ARPP21: variants seen among roughly 807,000 people sequenced by gnomAD.
ARPP21 encodes the protein cAMP regulated phosphoprotein 21, also known as cAMP-regulated phosphoprotein 21.
A neutral mutation model predicts 113.2 loss-of-function variants in ARPP21; 69 were observed. The observed-to-expected ratio is 0.61, with a 90% CI of 0.50 to 0.74. The LOEUF is 0.74. ARPP21 is among the 30% of genes least tolerant of loss of function. ARPP21 has a pLI of 0.00. For synonymous variants in ARPP21, 368 were observed against 375.5 expected, an observed-to-expected ratio of 0.98 and a Z score of 0.23; for missense variants, 1,070 against 1,037.4, an observed-to-expected ratio of 1.03 and a Z score of -0.43.
rs752717847 is a variant in ARPP21, at chr3:35,721,657, G to A, written c.1048G>A (p.Glu350Lys). The A allele has an allele frequency of 1.2e-6, 2 of 1,613,998 alleles. No individual in the cohort carries two copies. The highest frequency in any genetic ancestry group is 1.1e-5 in the South Asian group (1 of 91,056). Reference protein sequence around the residue: ...RTSGSRQSSSENELKWSDHQR... With the variant: ...RTSGSRQSSSKNELKWSDHQR... ...ATCTGGGAGTCGACAGAGCAGCTCA[G>A]AAAATGAACTCAAGTGGTCTGACCA... Residue 350 changes from glutamate (E) to lysine (K), a missense_variant, in exon 14 of 21, where the codon GAA becomes AAA. Coordinates refer to ENST00000684406, the MANE Select transcript of ARPP21 (RefSeq NM_001385562.1).
chr3:35,652,268 G>A (rs1307126629), intron 1 of ARPP21, among the ~76,000 whole-genome samples: 2 of 151,954 alleles, frequency 1.3e-5, no homozygotes, highest in African/African-American at 4.8e-5. Context: ...ATTTGGGACT[G>A]TTATCTAAGA....
At chr3:35,729,258 C>CTT (rs968794216) in intron 14 of ARPP21, 45 bp from the exon 15 acceptor site, 1 of 1,365,296 alleles carries the variant, frequency 7.3e-7, no homozygotes, top group Non-Finnish European at 1.0e-6. Context: ...TGCTTTCTCT[C>CTT]ATCTCTGTGT....
At chr3:35,687,614 C>T (rs2081011383) in intron 5 of ARPP21, 125 bp from the exon 6 acceptor site, 2 of 787,936 alleles carry the variant, frequency 2.5e-6, no homozygotes, top group Non-Finnish European at 4.0e-6. Flanking sequence ...TAATTTTTAC[C>T]ATTTAGAAAA....
Position 35,689,365 on chromosome 3 carries a change from C to T in ARPP21, c.465C>T (p.Asn155=). 1 of 1,561,900 alleles carries T rather than the reference C, an allele frequency of 6.4e-7. No individual in the cohort carries two copies. The highest frequency in any genetic ancestry group is 1.1e-5 in the South Asian group (1 of 89,954). Residue 155 remains asparagine, a synonymous_variant, in exon 7 of 21, where the codon AAC becomes AAT. Coordinates refer to ENST00000684406, the MANE Select transcript of ARPP21 (RefSeq NM_001385562.1). ...TAGACTTACACGAGTTTCTGATTAA[C>T]ACATTAAAGAATAATTCCAGGTAAA... ...TGIDLHEFLI[N]TLKNNSRDRM... is the part of the protein sequence containing the mutation.
chr3:35,691,153 A>G, intron 9 of ARPP21, 148 bp downstream of exon 9: 1 of 857,960 alleles, frequency 1.2e-6, no homozygotes, highest in South Asian at 2.9e-5. Context: ...TGTGGCATTT[A>G]TCTGTAGAAG....
At chr3:35,704,079 A>G (rs539942788) in intron 9 of ARPP21, among the ~76,000 whole-genome samples, 1 of 151,880 alleles carries the variant, frequency 6.6e-6, no homozygotes, top group African/African-American at 2.4e-5. Context: ...ATTTTATTAG[A>G]TTCACTTGAA....
chr3:35,698,938 A>C (rs2085157805), intron 9 of ARPP21, among the ~76,000 whole-genome samples: 1 of 151,816 alleles, frequency 6.6e-6, no homozygotes, highest in South Asian at 2.1e-4. Context: ...AGTGACACAA[A>C]ACTGTTTCAT....
chr3:35,722,470 T>C (rs2093178717), intron 14 of ARPP21, among the ~76,000 whole-genome samples: 1 of 152,314 alleles, frequency 6.6e-6, no homozygotes, highest in South Asian at 2.1e-4. Context: ...ACAAAGCAAC[T>C]TGAATAATGT....
intron 1 of ARPP21, among the ~76,000 whole-genome samples, chr3:35,642,912 C>T: frequency 6.6e-6 from 1 of 151,958 alleles, no homozygotes; most frequent in East Asian, 1.9e-4. Context: ...TTAAGATAAG[C>T]CCTACAGATT....
In ARPP21 at chr3:35,743,845, G is replaced by C; in HGVS notation, c.2017G>C (p.Val673Leu). 1 of 1,613,846 alleles carries C rather than the reference G, an allele frequency of 6.2e-7. No homozygotes were observed. Among genetic ancestry groups the C allele is most frequent in the Non-Finnish European group, 8.5e-7 (1 of 1,179,742 alleles). Reference sequence around the variant, plus strand: ...TTCCTCCTTTCTTCCACAGATGCCTGTATATTATTACCCATCTGGTCAGTA... The same window carrying C: ...TTCCTCCTTTCTTCCACAGATGCCTCTATATTATTACCCATCTGGTCAGTA... ...VQQPPPAQMP[V>L]YYYPSGQYPT... Residue 673 changes from valine (V) to leucine (L), a missense_variant, in exon 19 of 21, where the codon GTA becomes CTA. Coordinates refer to ENST00000684406, the MANE Select transcript of ARPP21 (RefSeq NM_001385562.1).
Position 35,702,877 on chromosome 3 carries a change from T to C in ARPP21, c.687-4097T>C, listed in dbSNP as rs150075482. On this transcript the variant is annotated intron_variant, in intron 9 of 20. Coordinates refer to ENST00000684406, the MANE Select transcript of ARPP21 (RefSeq NM_001385562.1). ...ACATCCAAAATGTACATACTTTTAA[T>C]TGAAAATTTTTGAAATATTAAGGGA... Among the ~76,000 whole-genome samples the C allele has an allele frequency of 4.5e-3, 679 of 151,972 alleles. 2 individuals carry two copies. Among genetic ancestry groups the C allele is most frequent in the African/African-American group, 0.015 (642 of 41,542 alleles).
At chr3:35,787,317 T>G (rs894342655) in intron 19 of ARPP21, among the ~76,000 whole-genome samples, 1 of 152,230 alleles carries the variant, frequency 6.6e-6, no homozygotes, top group African/African-American at 2.4e-5. Flanking sequence ...TGAATTGATC[T>G]TATATTTAAG....
At chr3:35,764,216 C>T (rs1487418296) in intron 19 of ARPP21, among the ~76,000 whole-genome samples, 1 of 152,062 alleles carries the variant, frequency 6.6e-6, no homozygotes, top group Non-Finnish European at 1.5e-5. Flanking sequence ...GAAAAAATAA[C>T]ATTTAATTTT....
intron 19 of ARPP21, among the ~76,000 whole-genome samples, chr3:35,764,723 G>C (rs1005967939): frequency 6.6e-6 from 1 of 152,142 alleles, no homozygotes; most frequent in Admixed American, 6.6e-5. Context: ...TGGGGTTTTA[G>C]TGTTCTGTTT....
chr3:35,759,072 T>A (rs1029971028), intron 19 of ARPP21, among the ~76,000 whole-genome samples: 2 of 152,094 alleles, frequency 1.3e-5, no homozygotes, highest in African/African-American at 4.8e-5. Flanking sequence ...AATTTGGCAG[T>A]ACTTATGACA....
In ARPP21 at chr3:35,748,083, A is replaced by G. The variant is rs143324005; in HGVS notation, c.2137+4118A>G. Among the ~76,000 whole-genome samples the G allele has an allele frequency of 2.9e-3, 291 of 101,224 alleles. 1 individual carries two copies. Among genetic ancestry groups the G allele is most frequent in the Admixed American group, 0.013 (149 of 11,090 alleles). The allele number at this position is 101,224 out of a possible 152,430, so 66.4% of individuals were successfully genotyped here. A position where few individuals can be genotyped will look rare whatever the true frequency, so the allele number is the denominator to read the frequency against. On this transcript the variant is annotated intron_variant, in intron 19 of 20. Coordinates refer to ENST00000684406, the MANE Select transcript of ARPP21 (RefSeq NM_001385562.1). ...AGAAGGAAGGAAGAAAGAAAGAAAG[A>G]AAGAAAGAAAGAAAGAAAGAAAGAA...
At chr3:35,740,898 G>A (rs1473118779) in intron 18 of ARPP21, among the ~76,000 whole-genome samples, 1 of 151,794 alleles carries the variant, frequency 6.6e-6, no homozygotes, top group East Asian at 1.9e-4. Context: ...GGGAGTTCGA[G>A]ACCAGCCTGC....
chr3:35,663,523 C>T (rs1409447962), intron 1 of ARPP21, among the ~76,000 whole-genome samples: 2 of 152,180 alleles, frequency 1.3e-5, no homozygotes, highest in East Asian at 3.8e-4. Flanking sequence ...CATCATGAAG[C>T]ATCAGCATTT....
At chr3:35,701,472 C>T (rs1002441581) in intron 9 of ARPP21, among the ~76,000 whole-genome samples, 2 of 151,614 alleles carry the variant, frequency 1.3e-5, no homozygotes, top group Non-Finnish European at 3.0e-5. Flanking sequence ...CTGTCGCCAA[C>T]ACCATGCTCA....
Sources: gnomAD v4.1 joint callset for allele counts (sites outside exome capture counted in the v4.1 genomes callset) on GRCh38, gnomAD v4.1.1 for gene constraint, MANE v1.5 for transcripts, NCBI Gene and HGNC (gene_info 2026-07-23, HGNC 2026-07-21) for gene names.